The following SLC5A1 variants were observed in gnomAD, a reference collection of about 807,000 sequenced individuals.
SLC5A1 encodes the protein sodium/glucose cotransporter 1.
Under a neutral mutation model 73.5 loss-of-function variants are expected in SLC5A1, and 42 were observed. The ratio of observed to expected loss-of-function variants is 0.57; its 90% CI spans 0.45 to 0.74. The LOEUF (loss-of-function observed/expected upper bound fraction) is 0.74. SLC5A1 is among the 30% of genes least tolerant of loss of function. The pLI, the probability that SLC5A1 is intolerant of heterozygous loss-of-function variation, is 0.00. For synonymous variants in SLC5A1, 300 were observed against 317.4 expected (o/e 0.95, Z 0.58); for missense variants, 634 against 855.4 (o/e 0.74, Z 3.23).
Position 32,104,497 on chromosome 22 carries a change from A to T in SLC5A1, c.1666-289A>T, listed in dbSNP as rs140430304. On this transcript the variant is annotated intron_variant, in intron 13 of 14. Coordinates refer to ENST00000266088, the MANE Select transcript of SLC5A1 (RefSeq NM_000343.4). ...CTAAAAGGAACAAATTATTTATCAC[A>T]CACACACGTAAAAGAGTTCATTCAA... 3.6e-3 allele frequency among the ~76,000 whole-genome samples: 542 copies of T among 152,372 alleles called. 1 individual carries two copies. The highest frequency in any genetic ancestry group is 6.2e-3 in the Non-Finnish European group (423 of 68,036).
In SLC5A1 at chr22:32,086,283, C is replaced by G; in HGVS notation, c.1085C>G (p.Thr362Ser). 6.2e-7 allele frequency: 1 copy of G among 1,613,974 alleles called. No homozygotes were observed. Among genetic ancestry groups the G allele is most frequent in the Non-Finnish European group, 8.5e-7 (1 of 1,179,848 alleles). ...TATTGCGGTACCAAGGTTGGCTGTACCAACATCGCCTATCCAACCTTAGTG... is the reference window on the plus strand; with the variant it reads ...TATTGCGGTACCAAGGTTGGCTGTAGCAACATCGCCTATCCAACCTTAGTG... ...EKYCGTKVGCTNIAYPTLVVE... is the reference protein window; with the variant it reads ...EKYCGTKVGCSNIAYPTLVVE... Residue 362 changes from threonine to serine, a missense_variant, in exon 10 of 15, where the codon ACC becomes AGC. Physicochemically the swap from Thr to Ser is moderately conservative, Grantham distance 58. This residue lies in a region of SLC5A1 where 422 missense variants were observed against 626.1 expected (regional missense o/e 0.67). Transcript: ENST00000266088.
intron 14 of SLC5A1, among the ~76,000 whole-genome samples, chr22:32,105,285 C>CT (rs1364338919): frequency 6.9e-6 from 1 of 145,240 alleles, no homozygotes; most frequent in Non-Finnish European, 1.5e-5. Context: ...CAGTTGCACT[C>CT]TTAATTTTTT....
At chr22:32,060,136 TATAC>T (rs1372564560) in intron 2 of SLC5A1, among the ~76,000 whole-genome samples, 2 of 94,512 alleles carry the variant, frequency 2.1e-5, no homozygotes, top group Non-Finnish European at 4.2e-5. Flanking sequence ...CACACATATA[TATAC>T]ACATACACAC....
chr22:32,089,712 C>T (rs1365747236), intron 10 of SLC5A1, among the ~76,000 whole-genome samples: 2 of 152,218 alleles, frequency 1.3e-5, no homozygotes, highest in East Asian at 1.9e-4. Context: ...TAGGAGATTT[C>T]CTGTTGCTAT....
rs1212251034 is a variant in SLC5A1 at position 32,110,146 on chromosome 22, C to T, written c.1928C>T (p.Thr643Ile). ...TDTSEKPLWRTVLNVNGIILV... is the reference protein window; with the variant it reads ...TDTSEKPLWRIVLNVNGIILV... ...ACCTCTGAGAAGCCTTTGTGGAGGA[C>T]AGTGTTGAACGTCAATGGCATCATC... is the stretch of plus-strand genomic sequence containing the variant. Residue 643 changes from threonine (T) to isoleucine (I), a missense_variant, in exon 15 of 15, where the codon ACA becomes ATA. By Grantham distance (89) the Thr-to-Ile change is moderately conservative. Transcript: ENST00000266088. The T allele has an allele frequency of 2.5e-6, 4 of 1,614,140 alleles. No homozygotes were observed. Among genetic ancestry groups the T allele is most frequent in the Non-Finnish European group, 3.4e-6 (4 of 1,180,006 alleles).
intron 14 of SLC5A1, among the ~76,000 whole-genome samples, chr22:32,107,651 T>G (rs1282597013): frequency 6.6e-6 from 1 of 152,156 alleles, no homozygotes; most frequent in Non-Finnish European, 1.5e-5. Context: ...TATGTGTACA[T>G]CTGTCAAGGA....
At chr22:32,088,479 G>C (rs1408020388) in intron 10 of SLC5A1, among the ~76,000 whole-genome samples, 1 of 151,896 alleles carries the variant, frequency 6.6e-6, no homozygotes, top group Non-Finnish European at 1.5e-5. Context: ...TGGGATTACA[G>C]GCACCTGCCA....
At chr22:32,092,615 T>A (rs1316590290) in intron 11 of SLC5A1, among the ~76,000 whole-genome samples, 1 of 152,224 alleles carries the variant, frequency 6.6e-6, no homozygotes, top group Non-Finnish European at 1.5e-5. Context: ...TATCTATTTT[T>A]TTTATTTCTA....
At position 32,086,428 on chromosome 22, in the gene SLC5A1, C is replaced by A. The variant is rs2094008484; in HGVS notation, c.1129+101C>A. 4 of 835,622 alleles carry A rather than the reference C, an allele frequency of 4.8e-6. No individual in the cohort carries two copies. In the South Asian group the frequency reaches 5.5e-5, roughly 11 times the overall value. 51.8% of individuals were successfully genotyped at this position (835,622 alleles called of 1,614,324 possible). On this transcript the variant is annotated intron_variant, in intron 10 of 14. Transcript: ENST00000266088. ...GTGAACCTTCTGGGCAAAGACATTT[C>A]TTAGCCGGGGGGTTAGAAGGGAAAG... is the stretch of plus-strand genomic sequence containing the variant.
chr22:32,059,199 C>T, intron 2 of SLC5A1: 1 of 985,052 alleles, frequency 1.0e-6, no homozygotes, highest in South Asian at 4.7e-5. Flanking sequence ...CCACTGCACT[C>T]CTGCCTGGGC....
In SLC5A1 at chr22:32,099,306, G is replaced by T; in HGVS notation, c.1404G>T (p.Ala468=). The T allele has an allele frequency of 6.2e-7, 1 of 1,613,354 alleles. No homozygotes were observed. Among genetic ancestry groups the T allele is most frequent in the Non-Finnish European group, 8.5e-7 (1 of 1,179,746 alleles). ...CCAGTTACTTGGGACCACCCATTGC[G>T]GCTGTCTTCCTGCTTGCTATTTTCT... The part of the protein sequence containing the change: ...SITSYLGPPI[A]AVFLLAIFWK... Residue 468 remains alanine (A), a synonymous_variant, in exon 12 of 15, where the codon GCG becomes GCT. Transcript: ENST00000266088.
At chr22:32,106,300 C>T (rs1312544322) in intron 14 of SLC5A1, among the ~76,000 whole-genome samples, 1 of 152,166 alleles carries the variant, frequency 6.6e-6, no homozygotes, top group Non-Finnish European at 1.5e-5. Context: ...TTTTGATTTG[C>T]ATTTCTATGA....
At chr22:32,079,915 A>C (rs1468647733) in intron 5 of SLC5A1, among the ~76,000 whole-genome samples, 1 of 152,230 alleles carries the variant, frequency 6.6e-6, no homozygotes, top group Non-Finnish European at 1.5e-5. Context: ...GGGCTACTGC[A>C]GAGGGCAAGG....
intron 9 of SLC5A1, among the ~76,000 whole-genome samples, chr22:32,085,357 C>T (rs1415171313): frequency 1.3e-5 from 2 of 152,024 alleles, no homozygotes; most frequent in African/African-American, 4.8e-5. Flanking sequence ...AACTCCTGGC[C>T]TCAAGTGATC....
intron 5 of SLC5A1, 89 bp from the exon 6 acceptor site, chr22:32,081,777 T>C (rs2094000238): frequency 1.2e-6 from 1 of 821,980 alleles, no homozygotes; most frequent in African/African-American, 1.7e-5. Flanking sequence ...TGAATAAAGC[T>C]TGCTTGGAAA....
At chr22:32,064,634 T>C (rs2093969478) in intron 2 of SLC5A1, among the ~76,000 whole-genome samples, 1 of 152,192 alleles carries the variant, frequency 6.6e-6, no homozygotes, top group African/African-American at 2.4e-5. Context: ...GTCCCAAATC[T>C]AGGAGTTACC....
chr22:32,087,256 C>CA (rs1314998545), intron 10 of SLC5A1, among the ~76,000 whole-genome samples: 5 of 151,986 alleles, frequency 3.3e-5, no homozygotes, highest in South Asian at 2.1e-4. Context: ...GTTCTCACCA[C>CA]AAAAAATGTT....
chr22:32,098,767 G>A (rs2094030464), intron 11 of SLC5A1, among the ~76,000 whole-genome samples: 1 of 152,102 alleles, frequency 6.6e-6, no homozygotes, highest in Non-Finnish European at 1.5e-5. Context: ...ATGTATGTAT[G>A]CATATGTATA....
chr22:32,102,515 C>T (rs1412858116), intron 13 of SLC5A1, among the ~76,000 whole-genome samples: 2 of 152,074 alleles, frequency 1.3e-5, no homozygotes, highest in Non-Finnish European at 2.9e-5. Context: ...TGCCTGTAAT[C>T]CCAGCACTTT....
Sources: gnomAD v4.1 joint callset for allele counts (sites outside exome capture counted in the v4.1 genomes callset) on GRCh38, gnomAD v4.1.1 for gene constraint, gnomAD v4.1.1 regional missense constraint, MANE v1.5 for transcripts, NCBI Gene and HGNC (gene_info 2026-07-23, HGNC 2026-07-21) for gene names.